Variants in PIEZO2 observed in about 807,000 individuals in gnomAD.
PIEZO2 encodes piezo-type mechanosensitive ion channel component 2.
Under a neutral mutation model 337.3 loss-of-function variants are expected in PIEZO2, and 172 were observed. That is an observed-to-expected ratio of 0.51 (90% CI 0.45 to 0.58). The LOEUF (loss-of-function observed/expected upper bound fraction) is 0.58, where lower values mean the gene tolerates loss of function less well. Ranked by LOEUF, PIEZO2 falls within the 20% of genes least tolerant of loss-of-function variation. PIEZO2 has a pLI of 0.00. For missense variants in PIEZO2, 3,028 were observed against 3,391.3 expected (o/e 0.89, Z 2.66); for synonymous variants, 1,251 against 1,228.5 (o/e 1.02, Z -0.38).
Position 10,677,549 on chromosome 18 carries a change from T to C in PIEZO2, c.8081+198A>G. 1.8e-6 allele frequency: 1 copy of C among 548,358 alleles called. No homozygotes were observed. 34.0% of individuals were successfully genotyped at this position (548,358 alleles called of 1,614,324 possible). ...CTCATTTGGAACATAGACATAACCC[T>C]GGGGACAGTGGACAGAAAACTCCAT... On this transcript the variant is annotated intron_variant, in intron 53 of 55. Transcript: ENST00000674853. The surrounding 1 kb of genome is among the most constrained non-coding windows in gnomAD (Gnocchi z 4.1).
chr18:10,693,277 A>G (rs537738270), intron 47 of PIEZO2, among the ~76,000 whole-genome samples: 1 of 151,996 alleles, frequency 6.6e-6, no homozygotes, highest in East Asian at 1.9e-4. Flanking sequence ...TGACAGCCTT[A>G]TTGTAGATTC....
rs745618117 is a variant in PIEZO2, at chr18:10,882,834, C to CTTTTTTTTTT, written c.330-11420_330-11419insAAAAAAAAAA. On this transcript the variant is annotated intron_variant, in intron 4 of 55. Coordinates refer to ENST00000674853, the MANE Select transcript of PIEZO2 (RefSeq NM_001378183.1). Reference sequence around the variant, plus strand: ...CCATTGTGCATATGTACCACATTTTCTTTTTTTCTTTTTTTTTTTTTTTGA... The same window carrying CTTTTTTTTTT: ...CCATTGTGCATATGTACCACATTTTCTTTTTTTTTTTTTTTTTCTTTTTTTTTTTTTTTGA... Among the ~76,000 whole-genome samples, 92 of 110,004 alleles carry CTTTTTTTTTT rather than the reference C, an allele frequency of 8.4e-4. 8 individuals are homozygous for CTTTTTTTTTT. Among genetic ancestry groups the CTTTTTTTTTT allele is most frequent in the East Asian group, 9.4e-4 (3 of 3,178 alleles). 72.2% of individuals were successfully genotyped at this position (110,004 alleles called of 152,430 possible). A position where few individuals can be genotyped will look rare whatever the true frequency, so the allele number is the denominator to read the frequency against.
In PIEZO2 at chr18:11,148,374, G is replaced by A. The variant is rs985397719; in HGVS notation, c.64+151C>T. The A allele has an allele frequency of 8.4e-6, 7 of 836,954 alleles. No homozygotes were observed. Among genetic ancestry groups the A allele is most frequent in the African/African-American group, 1.7e-5 (1 of 59,160 alleles). 51.8% of individuals were successfully genotyped at this position (836,954 alleles called of 1,614,324 possible). A position where few individuals can be genotyped will look rare whatever the true frequency, so the allele number is the denominator to read the frequency against. On this transcript the variant is annotated intron_variant, in intron 1 of 55. Transcript: ENST00000674853. This position sits in a 1 kb window ranked among gnomAD's most constrained non-coding sequence, Gnocchi z 5.2. ...CCCAGAGTGGGAAGTGAGAGAGCCA[G>A]GCTGTGCACCAGGGACAGCGCGCGT...
chr18:10,701,193 A>C (rs1179837121), intron 43 of PIEZO2, among the ~76,000 whole-genome samples: 2 of 152,252 alleles, frequency 1.3e-5, no homozygotes, highest in African/African-American at 4.8e-5. Flanking sequence ...AAGACGAGGG[A>C]AAGAAAGTAA....
Position 10,682,794 on chromosome 18 carries a change from A to G in PIEZO2, c.7498-502T>C, listed in dbSNP as rs1411704649. Among the ~76,000 whole-genome samples, 1 of 152,238 alleles carries G rather than the reference A, an allele frequency of 6.6e-6. No individual in the cohort carries two copies. The highest frequency in any genetic ancestry group is 1.5e-5 in the Non-Finnish European group (1 of 68,040). On this transcript the variant is annotated intron_variant, in intron 49 of 55. Transcript: ENST00000674853. This position sits in a 1 kb window ranked among gnomAD's most constrained non-coding sequence, Gnocchi z 5.6. ...GTGTTGTTAAAGACAATGTTGTTCG[A>G]CACCTAAGGTAAGATTTGTATGATT...
At position 11,051,366 on chromosome 18, in the gene PIEZO2, TGTGG is replaced by T. The variant is rs200809338; in HGVS notation, c.160+14757_160+14760del. ...TAGGATGTGTGTGTGTGTGTGTGTG[TGTGG>T]GTGTGGGTGTGGGTGTGGGTGTAAC... On this transcript the variant is annotated intron_variant, in intron 2 of 55. Coordinates refer to ENST00000674853, the MANE Select transcript of PIEZO2 (RefSeq NM_001378183.1). Among the ~76,000 whole-genome samples, 109 of 150,104 alleles carry T rather than the reference TGTGG, an allele frequency of 7.3e-4. 1 individual carries two copies. In the East Asian group the frequency reaches 7.6e-3, roughly 10 times the overall value.
rs1018548913 is a variant in PIEZO2, at chr18:10,758,814, C to A, written c.3757+668G>T. Among the ~76,000 whole-genome samples, 8 of 152,336 alleles carry A rather than the reference C, an allele frequency of 5.3e-5. No individual in the cohort carries two copies. In the East Asian group the frequency reaches 5.8e-4, roughly 11 times the overall value. On this transcript the variant is annotated intron_variant, in intron 26 of 55. Coordinates refer to ENST00000674853, the MANE Select transcript of PIEZO2 (RefSeq NM_001378183.1). ...GGTGGAGGTGGTGGACTGTGCTGGA[C>A]AGCACAGCGCAGCCTGAGAGAGCTG...
In PIEZO2 at chr18:11,135,111, C is replaced by T. The variant is rs144584963; in HGVS notation, c.64+13414G>A. On this transcript the variant is annotated intron_variant, in intron 1 of 55. Transcript: ENST00000674853. ...GTGCCAAGAATTGGGATGAGGAATA[C>T]ACAGATGGGAATATTTAGAGACTTT... Among the ~76,000 whole-genome samples the T allele has an allele frequency of 4.2e-3, 643 of 151,794 alleles. 3 individuals are homozygous for T. Among genetic ancestry groups the T allele is most frequent in the African/African-American group, 0.015 (605 of 41,340 alleles).
At chr18:10,906,394 C>A (rs1343102223) in intron 4 of PIEZO2, among the ~76,000 whole-genome samples, 6 of 152,112 alleles carry the variant, frequency 3.9e-5, no homozygotes, top group African/African-American at 1.2e-4. Flanking sequence ...TTTAAATAGA[C>A]AGCAATATGA....
At chr18:11,017,699 T>C (rs2036166766) in intron 2 of PIEZO2, among the ~76,000 whole-genome samples, 1 of 152,224 alleles carries the variant, frequency 6.6e-6, no homozygotes, top group Admixed American at 6.5e-5. Context: ...CCTGGAACAT[T>C]CTTCCTCAGG....
In PIEZO2 at chr18:10,675,296, T is replaced by A. The variant is rs1435075076; in HGVS notation, c.8082-8A>T. ...TAAATCTTTTCTATGGTCCTGTACA[T>A]TAAGAAAAAAAAGATACAATTACGT... On this transcript the variant is annotated splice_region_variant and splice_polypyrimidine_tract_variant and intron_variant, in intron 53 of 55. Transcript: ENST00000674853. The A allele has an allele frequency of 7.0e-7, 1 of 1,434,228 alleles. No individual in the cohort carries two copies. Among genetic ancestry groups the A allele is most frequent in the Admixed American group, 2.6e-5 (1 of 38,824 alleles). 88.8% of individuals were successfully genotyped at this position (1,434,228 alleles called of 1,614,324 possible).
rs908205328 is a variant in PIEZO2, at chr18:10,676,746, C to T, written c.8081+1001G>A. Among the ~76,000 whole-genome samples, 1 of 152,156 alleles carries T rather than the reference C, an allele frequency of 6.6e-6. No individual in the cohort carries two copies. Among genetic ancestry groups the T allele is most frequent in the Admixed American group, 6.5e-5 (1 of 15,272 alleles). ...AGAATGTGCTTGACACTAGTGGCTC[C>T]CTAAGAAGGAACCTTGAGCCCCACC... On this transcript the variant is annotated intron_variant, in intron 53 of 55. Transcript: ENST00000674853. This position sits in a 1 kb window ranked among gnomAD's most constrained non-coding sequence, Gnocchi z 5.1.
At chr18:10,976,680 T>C (rs1489468077) in intron 3 of PIEZO2, among the ~76,000 whole-genome samples, 1 of 152,208 alleles carries the variant, frequency 6.6e-6, no homozygotes, top group Non-Finnish European at 1.5e-5. Flanking sequence ...TCAAACTGTA[T>C]TGCAGTATAG....
chr18:11,141,072 C>CA (rs1338844437), intron 1 of PIEZO2, among the ~76,000 whole-genome samples: 34 of 152,320 alleles, frequency 2.2e-4, no homozygotes, highest in African/African-American at 5.3e-4. Context: ...CCGCTCCAAT[C>CA]ACCTACATCT....
At chr18:11,005,229 C>T (rs1006552895) in intron 2 of PIEZO2, among the ~76,000 whole-genome samples, 14 of 152,208 alleles carry the variant, frequency 9.2e-5, no homozygotes, top group East Asian at 1.9e-4. Flanking sequence ...GAGCATTCTT[C>T]CAGCAATTAC....
intron 3 of PIEZO2, among the ~76,000 whole-genome samples, chr18:10,978,869 T>C (rs2034550776): frequency 6.6e-6 from 1 of 152,194 alleles, no homozygotes; most frequent in Non-Finnish European, 1.5e-5. Context: ...CAAGTAACAA[T>C]CACACATCCT....
At position 11,148,501 on chromosome 18, in the gene PIEZO2, C is replaced by T. The variant is rs1371928127; in HGVS notation, c.64+24G>A. ...CGCCCCCCTCGTCCTCCTCAAGTGC[C>T]CTCGGAAAGCGGACCAGACTCACCT... is the stretch of plus-strand genomic sequence containing the variant. On this transcript the variant is annotated intron_variant, in intron 1 of 55. Transcript: ENST00000674853. The surrounding 1 kb of genome is among the most constrained non-coding windows in gnomAD (Gnocchi z 5.2). The T allele has an allele frequency of 1.3e-6, 2 of 1,537,002 alleles. No individual in the cohort carries two copies. Among genetic ancestry groups the T allele is most frequent in the East Asian group, 2.4e-5 (1 of 40,880 alleles).
At chr18:10,866,436 C>G (rs1307413721) in intron 5 of PIEZO2, among the ~76,000 whole-genome samples, 1 of 152,098 alleles carries the variant, frequency 6.6e-6, no homozygotes, top group Non-Finnish European at 1.5e-5. Flanking sequence ...CAGGCACCCG[C>G]CACCACACCT....
chr18:10,959,426 A>G (rs1441369645), intron 3 of PIEZO2, among the ~76,000 whole-genome samples: 1 of 152,210 alleles, frequency 6.6e-6, no homozygotes, highest in Admixed American at 6.5e-5. Context: ...GAAATGTCAC[A>G]TATCCAAGTT....
Sources: gnomAD v4.1 joint callset for allele counts (sites outside exome capture counted in the v4.1 genomes callset) on GRCh38, gnomAD v4.1.1 for gene constraint, Gnocchi (gnomAD v3.1) non-coding constraint, MANE v1.5 for transcripts, NCBI Gene and HGNC (gene_info 2026-07-23, HGNC 2026-07-21) for gene names.